NLRP1: variants seen among roughly 807,000 people sequenced by gnomAD.
NLRP1 encodes NACHT, LRR and PYD domains-containing protein 1.
A neutral mutation model predicts 136.7 loss-of-function variants in NLRP1; 94 were observed. That is an observed-to-expected ratio of 0.69 (90% CI 0.58 to 0.82). NLRP1 has a LOEUF of 0.82. NLRP1 is among the 40% of genes least tolerant of loss of function. The pLI, the probability that NLRP1 is intolerant of heterozygous loss-of-function variation, is 0.00. For missense variants in NLRP1, 1,575 were observed against 1,802.7 expected, an observed-to-expected ratio of 0.87 and a Z score of 2.29; for synonymous variants, 690 against 725.1, an observed-to-expected ratio of 0.95 and a Z score of 0.78.
chr17:5,526,941 C>G (rs987748396), intron 12 of NLRP1, among the ~76,000 whole-genome samples: 1 of 152,336 alleles, frequency 6.6e-6, no homozygotes, highest in Middle Eastern at 3.4e-3. Flanking sequence ...TCAGCGACGA[C>G]AGTGATGAAG....
intron 3 of NLRP1, among the ~76,000 whole-genome samples, chr17:5,564,950 G>A (rs1340566011): frequency 6.6e-6 from 1 of 152,018 alleles, no homozygotes; most frequent in Non-Finnish European, 1.5e-5. Context: ...TGTTAGCCAG[G>A]ATGGTCTCAA....
At position 5,514,589 on chromosome 17, in the gene NLRP1, C is replaced by T. The variant is rs1907849290; in HGVS notation, c.*165G>A. ...CCTGGACTGGGGCCCCCTGTGGCAT[C>T]CCTGGCATGGACACATAATGCCCAG... On this transcript the variant is annotated 3_prime_UTR_variant, in exon 17 of 17. Transcript: ENST00000572272. 6.9e-7 allele frequency: 1 copy of T among 1,446,880 alleles called. No homozygotes were observed. Among genetic ancestry groups the T allele is most frequent in the South Asian group, 1.5e-5 (1 of 67,210 alleles). 89.6% of individuals were successfully genotyped at this position (1,446,880 alleles called of 1,614,324 possible).
At position 5,541,752 on chromosome 17, in the gene NLRP1, C is replaced by G; in HGVS notation, c.2699+105G>C. 1 of 1,156,394 alleles carries G rather than the reference C, an allele frequency of 8.6e-7. No homozygotes were observed. The highest frequency in any genetic ancestry group is 1.4e-5 in the South Asian group (1 of 73,584). 71.6% of individuals were successfully genotyped at this position (1,156,394 alleles called of 1,614,324 possible). On this transcript the variant is annotated intron_variant, in intron 6 of 16. Transcript: ENST00000572272. This position sits in a 1 kb window ranked among gnomAD's most constrained non-coding sequence, Gnocchi z 4.2. ...TGGCTGAGATCCTGTAGGCTCCTCC[C>G]ACTCCCACAAAGCAGGTCTCACCTT...
At chr17:5,534,632 A>T (rs1280395832) in intron 8 of NLRP1, among the ~76,000 whole-genome samples, 1 of 152,002 alleles carries the variant, frequency 6.6e-6, no homozygotes, top group East Asian at 1.9e-4. Context: ...GGCCCGCACC[A>T]CTGCAGCATC....
intron 3 of NLRP1, among the ~76,000 whole-genome samples, chr17:5,569,740 G>A (rs981415087): frequency 1.3e-5 from 2 of 151,716 alleles, no homozygotes; most frequent in Admixed American, 6.6e-5. Flanking sequence ...AGATATTTGG[G>A]ACCTAAATTC....
At chr17:5,511,643 G>A (rs1250276557), downstream of NLRP1, among the ~76,000 whole-genome samples, 6 of 152,148 alleles carry the variant, frequency 3.9e-5, no homozygotes, top group Non-Finnish European at 8.8e-5. Flanking sequence ...GATGAGGGAC[G>A]GGGAGGTCTG....
chr17:5,504,429 G>T lies in NLRP1; in HGVS notation c.4070-2557C>A, dbSNP rs1299462123. ...GAGGTCAGGAGTTCGAGACCAGTCTGGCCAACATGGCAAAACCCCCTCTCT... is the reference window on the plus strand; with the variant it reads ...GAGGTCAGGAGTTCGAGACCAGTCTTGCCAACATGGCAAAACCCCCTCTCT... On this transcript the variant is annotated intron_variant, in intron 15 of 15. Coordinates refer to the NLRP1 transcript ENST00000262467. This position sits in a 1 kb window ranked among gnomAD's most constrained non-coding sequence, Gnocchi z 4.4. The T allele has an allele frequency of 2.0e-5, 3 of 152,206 alleles. No individual in the cohort carries two copies. Among genetic ancestry groups the T allele is most frequent in the Non-Finnish European group, 2.9e-5 (2 of 68,116 alleles). 9.4% of individuals were successfully genotyped at this position (152,206 alleles called of 1,614,324 possible).
rs1390361313 is a variant in NLRP1 at position 5,517,780 on chromosome 17, A to G, written c.4023T>C (p.Asp1341=). 2 of 1,614,164 alleles carry G rather than the reference A, an allele frequency of 1.2e-6. No homozygotes were observed. Among genetic ancestry groups the G allele is most frequent in the Middle Eastern group, 1.6e-4 (1 of 6,062 alleles). The change falls in exon 15 of 17, where the codon GAT becomes GAC. Residue 1341 remains aspartate, a synonymous_variant. Transcript: ENST00000572272. ...CCAAGGCCTCCCACACCAGAGTCTC[A>G]TCTTTCTTGTCTTTCACTTGCAGCC... ...GIRLQVKDKK[D]ETLVWEALVK...
intron 3 of NLRP1, among the ~76,000 whole-genome samples, chr17:5,560,438 G>A (rs938474012): frequency 6.6e-6 from 1 of 152,198 alleles, no homozygotes; most frequent in Admixed American, 6.5e-5. Flanking sequence ...GGTCATGGAG[G>A]ACTGGAGGAG....
intron 15 of NLRP1, among the ~76,000 whole-genome samples, chr17:5,517,359 CCT>C (rs66496635): frequency 0.049 from 5,234 of 107,744 alleles, 951 homozygotes; most frequent in Middle Eastern, 0.079. Context: ...CACCCCCCCC[CCT>C]CCCACATACA....
intron 8 of NLRP1, 77 bp from the exon 9 acceptor site, chr17:5,534,065 T>C: frequency 9.7e-7 from 1 of 1,027,814 alleles, no homozygotes; most frequent in South Asian, 1.3e-5. Context: ...CCACTAAAAA[T>C]TCAACTCCTC....
Position 5,539,570 on chromosome 17 carries a change from G to T in NLRP1, c.2715C>A (p.Gly905=), listed in dbSNP as rs1024040414. The change falls in exon 7 of 17, where the codon GGC becomes GGA. Residue 905 remains glycine, a synonymous_variant. Transcript: ENST00000572272. ...GGTCCTGGCAGCAGTCAGACGTGAG[G>T]CCACAGCTGACCAGCCTGCAGGAAA... ...KLQRLQLVSC[G]LTSDCCQDLA... 3.1e-6 allele frequency: 5 copies of T among 1,611,122 alleles called. No individual in the cohort carries two copies. Among genetic ancestry groups the T allele is most frequent in the Non-Finnish European group, 4.2e-6 (5 of 1,178,966 alleles).
intron 9 of NLRP1, among the ~76,000 whole-genome samples, 167 bp from the exon 10 acceptor site, chr17:5,533,551 G>GTTT (rs35006823): frequency 2.8e-4 from 25 of 90,022 alleles, no homozygotes; most frequent in African/African-American, 7.5e-4. Context: ...GTGAGACTCT[G>GTTT]TTTTTTTTTT....
rs146505967 is a variant in NLRP1 at position 5,541,951 on chromosome 17, C to A, written c.2605G>T (p.Glu869Ter). Reference protein sequence around the residue: ...FGLRANQTLTELDLSFNVLTD... With the variant: ...FGLRANQTLT The stretch of plus-strand genomic sequence containing the variant: ...AGCACATTGAAGCTCAGGTCCAGCT[C>A]GGTCAGGGTCTGGTTGGCTCTCAGC... Residue 869 changes from glutamate (E) to a stop codon, truncating the protein, a stop_gained, in exon 6 of 17, where the codon GAG (glutamate) becomes TAG (stop). Coordinates refer to ENST00000572272, the MANE Select transcript of NLRP1 (RefSeq NM_033004.4). LOFTEE classifies it high-confidence loss of function. The surrounding 1 kb of genome is among the most constrained non-coding windows in gnomAD (Gnocchi z 4.2). 2 of 1,614,056 alleles carry A rather than the reference C, an allele frequency of 1.2e-6. No homozygotes were observed. The highest frequency in any genetic ancestry group is 1.7e-5 in the Admixed American group (1 of 60,008).
Position 5,539,602 on chromosome 17 carries a change from C to T in NLRP1, c.2700-17G>A, listed in dbSNP as rs200314773. 3.1e-5 allele frequency: 50 copies of T among 1,593,866 alleles called. No homozygotes were observed. Among genetic ancestry groups the T allele is most frequent in the Middle Eastern group, 3.4e-4 (2 of 5,964 alleles). Reference sequence around the variant, plus strand: ...CTGACCAGCCTGCAGGAAAGATACACGCCAGCCCAGGTCATTGTCCTAAGG... The same window carrying T: ...CTGACCAGCCTGCAGGAAAGATACATGCCAGCCCAGGTCATTGTCCTAAGG... On this transcript the variant is annotated splice_polypyrimidine_tract_variant and intron_variant, in intron 6 of 16. Coordinates refer to ENST00000572272, the MANE Select transcript of NLRP1 (RefSeq NM_033004.4).
intron 5 of NLRP1, 22 bp from the exon 6 acceptor site, chr17:5,542,049 G>A: frequency 6.2e-7 from 1 of 1,605,414 alleles, no homozygotes; most frequent in Non-Finnish European, 8.5e-7. Flanking sequence ...ACACACCCAT[G>A]GTCTTCAGGT....
At chr17:5,538,903 CTG>C (rs1260812746) in intron 7 of NLRP1, among the ~76,000 whole-genome samples, 3 of 151,898 alleles carry the variant, frequency 2.0e-5, no homozygotes, top group Non-Finnish European at 4.4e-5. Flanking sequence ...ATTTTTGAGA[CTG>C]AGTCTCACTC....
chr17:5,565,957 T>G (rs1271639051), intron 3 of NLRP1, among the ~76,000 whole-genome samples: 1 of 152,216 alleles, frequency 6.6e-6, no homozygotes, highest in African/African-American at 2.4e-5. Context: ...ATTTTCCAAT[T>G]TATTGGCATA....
Position 5,533,857 on chromosome 17 carries a change from C to T in NLRP1, c.3052+40G>A, listed in dbSNP as rs768011659. The stretch of plus-strand genomic sequence containing the variant: ...ACCTCCCACAGCTGACCTCCCCCAA[C>T]CCCTGTCACGATGCTCCCAGCCTTG... On this transcript the variant is annotated intron_variant, in intron 9 of 16. Transcript: ENST00000572272. 3 of 1,371,606 alleles carry T rather than the reference C, an allele frequency of 2.2e-6. No individual in the cohort carries two copies. The South Asian group carries it at 3.7e-5, about 17-fold the overall frequency. 85.0% of individuals were successfully genotyped at this position (1,371,606 alleles called of 1,614,324 possible). A position where few individuals can be genotyped will look rare whatever the true frequency, so the allele number is the denominator to read the frequency against.
Sources: allele counts gnomAD v4.1 joint callset (sites outside exome capture counted in the v4.1 genomes callset), GRCh38; gene constraint gnomAD v4.1.1; non-coding constraint Gnocchi (gnomAD v3.1); transcripts MANE v1.5; gene names NCBI Gene and HGNC (gene_info 2026-07-23, HGNC 2026-07-21).